Variants in DDX10 observed in about 807,000 individuals in gnomAD.
DDX10 encodes the protein probable ATP-dependent RNA helicase DDX10.
Under a neutral mutation model 104.3 loss-of-function variants are expected in DDX10, and 74 were observed. The observed-to-expected ratio is 0.71, with a 90% CI of 0.59 to 0.86. The LOEUF is 0.86. Ranked by LOEUF, DDX10 falls within the 40% of genes least tolerant of loss-of-function variation. DDX10 has a pLI of 0.00. For synonymous variants in DDX10, 351 were observed against 353.4 expected (o/e 0.99, Z 0.08); for missense variants, 952 against 1,040.0 (o/e 0.92, Z 1.16).
chr11:108,715,795 A>G, intron 10 of DDX10, 84 bp from the exon 11 acceptor site: 2 of 696,820 alleles, frequency 2.9e-6, no homozygotes, highest in Non-Finnish European at 2.5e-6. Context: ...AAAAATACTG[A>G]GGAAAATAGG....
At position 108,679,459 on chromosome 11, in the gene DDX10, T is replaced by G. The variant is rs2094231528; in HGVS notation, c.747T>G (p.Thr249=). 1.2e-6 allele frequency: 2 copies of G among 1,613,752 alleles called. No homozygotes were observed. Among genetic ancestry groups the G allele is most frequent in the South Asian group, 2.2e-5 (2 of 91,042 alleles). The change falls in exon 6 of 18, where the codon ACT becomes ACG. Residue 249 remains threonine, a synonymous_variant. Coordinates refer to ENST00000322536, the MANE Select transcript of DDX10 (RefSeq NM_004398.4). ...AAAATCTCCCCAAGAAACGTCAGAC[T>G]TTACTTTTCTCAGCAACACAAACTA... The part of the protein sequence containing the change: ...VIENLPKKRQ[T]LLFSATQTKS...
At chr11:108,805,538 T>A (rs1429795990) in intron 13 of DDX10, among the ~76,000 whole-genome samples, 1 of 152,250 alleles carries the variant, frequency 6.6e-6, no homozygotes, top group Non-Finnish European at 1.5e-5. Flanking sequence ...AAGTTTAACT[T>A]CAATTTGTTA....
At chr11:108,883,723 G>C (rs1863258152) in intron 16 of DDX10, among the ~76,000 whole-genome samples, 1 of 152,110 alleles carries the variant, frequency 6.6e-6, no homozygotes, top group Non-Finnish European at 1.5e-5. Flanking sequence ...ACCAAAACCT[G>C]TCTTTTCACA....
At chr11:108,751,653 G>GA (rs531186483) in intron 13 of DDX10, among the ~76,000 whole-genome samples, 291 of 152,276 alleles carry the variant, frequency 1.9e-3, no homozygotes, top group Non-Finnish European at 3.3e-3. Context: ...GAAAGAGAGT[G>GA]AGTTAGGGGA....
chr11:108,855,501 C>A (rs549906323), intron 16 of DDX10, among the ~76,000 whole-genome samples: 1 of 152,102 alleles, frequency 6.6e-6, no homozygotes, highest in East Asian at 1.9e-4. Context: ...GCTCTGTCAC[C>A]GAGGCTGGAG....
At chr11:108,873,291 G>C (rs1863106626) in intron 16 of DDX10, among the ~76,000 whole-genome samples, 2 of 152,130 alleles carry the variant, frequency 1.3e-5, no homozygotes, top group Admixed American at 1.3e-4. Flanking sequence ...TTGACATTTT[G>C]TCCATAAGTA....
chr11:108,704,076 C>G (rs886265643), intron 9 of DDX10, among the ~76,000 whole-genome samples: 9 of 152,014 alleles, frequency 5.9e-5, no homozygotes, highest in South Asian at 2.1e-4. Flanking sequence ...GATCATGGGC[C>G]CTTTGTGACT....
At chr11:108,923,155 A>G (rs942598994) in intron 17 of DDX10, among the ~76,000 whole-genome samples, 3 of 152,146 alleles carry the variant, frequency 2.0e-5, no homozygotes, top group Non-Finnish European at 4.4e-5. Context: ...TTGGAGACAC[A>G]ACAGCTTAGT....
chr11:108,772,771 G>A (rs182154977), intron 13 of DDX10, among the ~76,000 whole-genome samples: 114 of 152,236 alleles, frequency 7.5e-4, no homozygotes, highest in Middle Eastern at 3.4e-3. Context: ...ATAGGCGCTC[G>A]ATCCCTATTG....
At chr11:108,679,589 A>G in intron 6 of DDX10, 29 bp downstream of exon 6, 4 of 1,487,266 alleles carry the variant, frequency 2.7e-6, no homozygotes, top group Non-Finnish European at 3.6e-6. Flanking sequence ...AATCAAGATA[A>G]ATGTTTTTTA....
At chr11:108,774,379 C>G (rs145065781) in intron 13 of DDX10, among the ~76,000 whole-genome samples, 1 of 152,292 alleles carries the variant, frequency 6.6e-6, no homozygotes, top group Non-Finnish European at 1.5e-5. Context: ...TTGTTAACAT[C>G]TGTTTGCTGT....
intron 17 of DDX10, chr11:108,921,515 C>T (rs1388739197): frequency 6.6e-6 from 1 of 152,242 alleles, no homozygotes; most frequent in East Asian, 1.9e-4. Context: ...TGTGCTGTCT[C>T]TAGCCCTCTA....
chr11:108,825,931 A>G (rs1862389820), intron 13 of DDX10, among the ~76,000 whole-genome samples: 1 of 152,230 alleles, frequency 6.6e-6, no homozygotes, highest in Non-Finnish European at 1.5e-5. Flanking sequence ...TGAATTATCT[A>G]TATGATATAC....
chr11:108,833,253 T>C (rs1256143864), intron 13 of DDX10, among the ~76,000 whole-genome samples: 2 of 152,210 alleles, frequency 1.3e-5, no homozygotes, highest in East Asian at 3.8e-4. Context: ...CCTGACTACC[T>C]AGGACAGTCA....
chr11:108,869,655 T>C (rs1162210881), intron 16 of DDX10, among the ~76,000 whole-genome samples: 2 of 152,142 alleles, frequency 1.3e-5, no homozygotes, highest in African/African-American at 4.8e-5. Context: ...AATCTTTTTT[T>C]TGACAAGCAA....
chr11:108,839,030 CAG>C (rs1862600132), intron 14 of DDX10, among the ~76,000 whole-genome samples: 1 of 152,172 alleles, frequency 6.6e-6, no homozygotes, highest in Non-Finnish European at 1.5e-5. Flanking sequence ...GTCTCAGACA[CAG>C]AGGTGCCTTG....
chr11:108,934,826 C>A (rs1211690825), intron 17 of DDX10, among the ~76,000 whole-genome samples: 1 of 152,116 alleles, frequency 6.6e-6, no homozygotes, highest in African/African-American at 2.4e-5. Context: ...AACACTGGAA[C>A]TTGTGATATT....
At chr11:108,719,051 A>G (rs1334498318) in intron 11 of DDX10, among the ~76,000 whole-genome samples, 10 of 151,986 alleles carry the variant, frequency 6.6e-5, no homozygotes, top group Admixed American at 5.9e-4. Context: ...CAAACTGATA[A>G]AGGATCAGGA....
Position 108,673,463 on chromosome 11 carries a change from C to T in DDX10, c.187-4C>T, listed in dbSNP as rs764319615. 25 of 1,572,586 alleles carry T rather than the reference C, an allele frequency of 1.6e-5. No homozygotes were observed. The highest frequency in any genetic ancestry group is 3.3e-4 in the Middle Eastern group (2 of 5,984). On this transcript the variant is annotated splice_polypyrimidine_tract_variant and splice_region_variant and intron_variant, in intron 1 of 17. Coordinates refer to ENST00000322536, the MANE Select transcript of DDX10 (RefSeq NM_004398.4). ...TACCCTGATTCCTTTTTCTTTTTTT[C>T]CAGATAAATGTAAATGAAATCACAA...
Sources: allele counts gnomAD v4.1 joint callset (sites outside exome capture counted in the v4.1 genomes callset), GRCh38; gene constraint gnomAD v4.1.1; transcripts MANE v1.5; gene names NCBI Gene and HGNC (gene_info 2026-07-23, HGNC 2026-07-21).